The following EMB variants were observed in gnomAD, a reference collection of about 807,000 sequenced individuals.
EMB encodes embigin.
In EMB, 31 loss-of-function variants were observed where a neutral mutation model predicts 41.4. The observed-to-expected ratio is 0.75, with a 90% CI of 0.56 to 1.01. The LOEUF (loss-of-function observed/expected upper bound fraction) is 1.01. Among genes scored for constraint, EMB ranks in the 50% least tolerant of loss-of-function variants. The probability of loss-of-function intolerance (pLI) is 0.00; values close to 1 mark genes in which losing one functional copy is unlikely to be tolerated. For synonymous variants in EMB, 137 were observed against 140.4 expected, an observed-to-expected ratio of 0.98 and a Z score of 0.17; for missense variants, 379 against 388.3, an observed-to-expected ratio of 0.98 and a Z score of 0.20.
chr5:50,405,956 T>A, intron 4 of EMB, 104 bp from the exon 5 acceptor site: 1 of 1,429,322 alleles, frequency 7.0e-7, no homozygotes, highest in South Asian at 1.6e-5. Context: ...TTACATTATT[T>A]TAAGTACTTT....
chr5:50,440,644 C>T (rs1394825942), intron 1 of EMB, among the ~76,000 whole-genome samples: 10 of 151,802 alleles, frequency 6.6e-5, no homozygotes, highest in Non-Finnish European at 1.3e-4. Flanking sequence ...AGGGAGTAGG[C>T]CTTGGGGAAA....
intron 5 of EMB, among the ~76,000 whole-genome samples, chr5:50,404,735 G>A (rs557435680): frequency 1.3e-5 from 2 of 151,656 alleles, no homozygotes; most frequent in Non-Finnish European, 3.0e-5. Context: ...CACAATGACT[G>A]CCTTTCCTCA....
Position 50,441,225 on chromosome 5 carries a change from T to C in EMB, c.-74A>G. ...CGCCGCCGCGGGTGTCCAGAGTCCC[T>C]GCGCACACTCGCAGGTGGCCCGGCG... On this transcript the variant is annotated 5_prime_UTR_variant, in exon 1 of 9. Coordinates refer to ENST00000303221, the MANE Select transcript of EMB (RefSeq NM_198449.3). 2 of 921,082 alleles carry C rather than the reference T, an allele frequency of 2.2e-6. No individual in the cohort carries two copies. Among genetic ancestry groups the C allele is most frequent in the Non-Finnish European group, 2.9e-6 (2 of 686,722 alleles). The allele number at this position is 921,082 out of a possible 1,614,324, so 57.1% of individuals were successfully genotyped here.
intron 2 of EMB, among the ~76,000 whole-genome samples, chr5:50,425,023 C>A (rs1745587036): frequency 1.3e-5 from 2 of 152,108 alleles, no homozygotes; most frequent in South Asian, 4.1e-4. Context: ...GTCTACATAT[C>A]AAGTTTGATG....
At chr5:50,399,681 T>C (rs1745128413) in intron 8 of EMB, among the ~76,000 whole-genome samples, 178 bp downstream of exon 8, 1 of 151,990 alleles carries the variant, frequency 6.6e-6, no homozygotes. Flanking sequence ...TGGAAAATGA[T>C]TTATTTTTGT....
chr5:50,404,371 A>G (rs1282481158), intron 5 of EMB, among the ~76,000 whole-genome samples: 1 of 151,942 alleles, frequency 6.6e-6, no homozygotes, highest in Non-Finnish European at 1.5e-5. Context: ...CAATCAAAGT[A>G]CCATATTTTT....
chr5:50,420,471 T>C lies in EMB; in HGVS notation c.196+7673A>G, dbSNP rs1447984683. Among the ~76,000 whole-genome samples, 4 of 152,224 alleles carry C rather than the reference T, an allele frequency of 2.6e-5. No homozygotes were observed. The East Asian group carries it at 5.8e-4, about 22-fold the overall frequency. On this transcript the variant is annotated intron_variant, in intron 2 of 8. Transcript: ENST00000303221. ...ACATTTTGTACACACCCCAAGTGAC[T>C]GATTGTCTCAGGTCACATGCCTCCT...
upstream of EMB, chr5:50,443,324 C>A (rs303227): frequency 1.3e-5 from 2 of 152,114 alleles, 1 homozygote; most frequent in Non-Finnish European, 2.9e-5. Context: ...GGGCTCAAGA[C>A]GAAGAAATTG....
chr5:50,428,290 A>C, intron 1 of EMB, 63 bp from the exon 2 acceptor site: 1 of 1,392,816 alleles, frequency 7.2e-7, no homozygotes, highest in Non-Finnish European at 1.0e-6. Flanking sequence ...TCTAAAAACT[A>C]CTTTGAAACA....
intron 1 of EMB, among the ~76,000 whole-genome samples, chr5:50,435,333 T>C (rs553711718): frequency 1.7e-4 from 26 of 152,154 alleles, no homozygotes; most frequent in African/African-American, 5.8e-4. Flanking sequence ...TGAAGCACCA[T>C]CTCATCCCCA....
intron 4 of EMB, among the ~76,000 whole-genome samples, chr5:50,408,584 A>C (rs1745284366): frequency 6.6e-6 from 1 of 152,046 alleles, no homozygotes; most frequent in African/African-American, 2.4e-5. Context: ...AGGCTCATGC[A>C]CTATAGGTGG....
chr5:50,404,631 A>T (rs1323029197), intron 5 of EMB, among the ~76,000 whole-genome samples: 1 of 151,968 alleles, frequency 6.6e-6, no homozygotes, highest in African/African-American at 2.4e-5. Flanking sequence ...TTGTTGTACC[A>T]CATACACATC....
At chr5:50,431,741 C>T (rs889233514) in intron 1 of EMB, among the ~76,000 whole-genome samples, 1 of 152,160 alleles carries the variant, frequency 6.6e-6, no homozygotes, top group African/African-American at 2.4e-5. Flanking sequence ...TTCCATATAG[C>T]ATTCTTTTAC....
chr5:50,429,045 G>A (rs533551800), intron 1 of EMB, among the ~76,000 whole-genome samples: 13 of 152,014 alleles, frequency 8.6e-5, no homozygotes, highest in South Asian at 2.1e-4. Context: ...ACAGGCTCCC[G>A]CCACCACGCC....
In EMB at chr5:50,410,961, T is replaced by C. The variant is rs201037929; in HGVS notation, c.388A>G (p.Thr130Ala). Residue 130 changes from threonine (T) to alanine (A), a missense_variant, in exon 4 of 9, where the codon ACC (threonine) becomes GCC (alanine). Physicochemically the swap from Thr to Ala is moderately conservative, Grantham distance 58. Transcript: ENST00000303221. ...CCCATTTGTTTGCTATTAATGATGG[T>C]GAACCTAAAGATAATTCAAGTTATT... ...GSTLYTQYRFTIINSKQMGSY... is the reference protein window; with the variant it reads ...GSTLYTQYRFAIINSKQMGSY... 18 of 1,599,030 alleles carry C rather than the reference T, an allele frequency of 1.1e-5. No individual in the cohort carries two copies. Among genetic ancestry groups the C allele is most frequent in the African/African-American group, 2.7e-5 (2 of 74,260 alleles).
upstream of EMB, chr5:50,441,313 CT>C: frequency 2.5e-6 from 1 of 403,766 alleles, no homozygotes; most frequent in Non-Finnish European, 4.3e-6. Flanking sequence ...GCCCGGCCGC[CT>C]TGCCCCACTC....
chr5:50,436,167 T>C lies in EMB; in HGVS notation c.112+4873A>G, dbSNP rs192440688. 3.0e-4 allele frequency among the ~76,000 whole-genome samples: 46 copies of C among 152,294 alleles called. No individual in the cohort carries two copies. In the East Asian group the frequency reaches 7.5e-3, roughly 25 times the overall value. ...ATACACATACAACTTATAATGTATA[T>C]CATATACACTTATGTATATGATATG... On this transcript the variant is annotated intron_variant, in intron 1 of 8. Transcript: ENST00000303221.
chr5:50,418,365 A>G (rs1425136411), intron 2 of EMB, among the ~76,000 whole-genome samples: 1 of 152,224 alleles, frequency 6.6e-6, no homozygotes, highest in African/African-American at 2.4e-5. Flanking sequence ...AGGTTTGGTG[A>G]TAGGCAAAGT....
At chr5:50,416,281 T>C (rs568942787) in intron 2 of EMB, among the ~76,000 whole-genome samples, 2 of 152,260 alleles carry the variant, frequency 1.3e-5, no homozygotes, top group Non-Finnish European at 2.9e-5. Flanking sequence ...TCTAAAACGA[T>C]AACAATTTGT....
Sources: allele counts gnomAD v4.1 joint callset (sites outside exome capture counted in the v4.1 genomes callset), GRCh38; gene constraint gnomAD v4.1.1; transcripts MANE v1.5; gene names NCBI Gene and HGNC (gene_info 2026-07-23, HGNC 2026-07-21).